Variants in NCOR1 observed in about 807,000 individuals in gnomAD.
The protein encoded by NCOR1 is nuclear receptor corepressor 1.
NCOR1 carries 63 observed loss-of-function variants against 288.1 expected under a neutral mutation model. That is an observed-to-expected ratio of 0.22 (90% CI 0.18 to 0.27). The LOEUF is 0.27. NCOR1 is among the 10% of genes least tolerant of loss of function. The pLI is 1.00. For missense variants in NCOR1, 2,397 were observed against 3,019.2 expected (o/e 0.79, Z 4.83); for synonymous variants, 1,007 against 1,065.9 (o/e 0.94, Z 1.08).
At chr17:16,133,338 G>A (rs149351418) in intron 14 of NCOR1, among the ~76,000 whole-genome samples, 196 of 152,300 alleles carry the variant, frequency 1.3e-3, no homozygotes, top group Middle Eastern at 3.4e-3. Flanking sequence ...TAGAGGATAG[G>A]GAGAGTAATC....
intron 9 of NCOR1, among the ~76,000 whole-genome samples, chr17:16,147,358 G>A (rs1270398986): frequency 5.9e-5 from 9 of 152,086 alleles, no homozygotes; most frequent in East Asian, 1.9e-4. Flanking sequence ...GCAGTGAGCC[G>A]AGATCGCACC....
At chr17:16,209,669 C>G (rs922200185) in intron 1 of NCOR1, among the ~76,000 whole-genome samples, 33 of 150,704 alleles carry the variant, frequency 2.2e-4, no homozygotes, top group Admixed American at 7.3e-4. Flanking sequence ...AGAATACACT[C>G]GGCCAAGTGC....
At chr17:16,035,453 C>T (rs1416134837) in intron 44 of NCOR1, among the ~76,000 whole-genome samples, 1 of 151,924 alleles carries the variant, frequency 6.6e-6, no homozygotes, top group Non-Finnish European at 1.5e-5. Flanking sequence ...GAAGCAACTC[C>T]TCATCCATTT....
chr17:16,156,685 C>T (rs767601918), intron 6 of NCOR1, among the ~76,000 whole-genome samples: 27 of 151,772 alleles, frequency 1.8e-4, no homozygotes, highest in Non-Finnish European at 3.5e-4. Context: ...AAACAACAAA[C>T]CAAATATGGA....
At chr17:16,163,701 T>C (rs1267475004) in intron 5 of NCOR1, among the ~76,000 whole-genome samples, 1 of 152,148 alleles carries the variant, frequency 6.6e-6, no homozygotes, top group Non-Finnish European at 1.5e-5. Flanking sequence ...AACGAGTACA[T>C]GAATCTCATC....
At chr17:16,038,011 G>T (rs1234656934) in intron 44 of NCOR1, among the ~76,000 whole-genome samples, 1 of 151,712 alleles carries the variant, frequency 6.6e-6, no homozygotes, top group Admixed American at 6.6e-5. Flanking sequence ...CACACTTAAA[G>T]CCAATAAAAA....
intron 4 of NCOR1, among the ~76,000 whole-genome samples, chr17:16,167,455 T>TA (rs202154804): frequency 2.0e-5 from 3 of 150,482 alleles, no homozygotes; most frequent in Admixed American, 6.6e-5. Context: ...AGCCTCAAGT[T>TA]AAAAAAAAAT....
chr17:16,060,230 C>CA (rs1237299294), intron 37 of NCOR1, among the ~76,000 whole-genome samples: 1 of 152,208 alleles, frequency 6.6e-6, no homozygotes, highest in Non-Finnish European at 1.5e-5. Flanking sequence ...GATAACCACA[C>CA]ACAGAGACAT....
intron 41 of NCOR1, among the ~76,000 whole-genome samples, chr17:16,048,264 G>C (rs972560316): frequency 6.6e-6 from 1 of 152,096 alleles, no homozygotes; most frequent in East Asian, 1.9e-4. Flanking sequence ...GTGTAGGGAT[G>C]ATGCAGAGGG....
intron 18 of NCOR1, among the ~76,000 whole-genome samples, chr17:16,113,877 G>T (rs550769477): frequency 6.6e-6 from 1 of 151,802 alleles, no homozygotes; most frequent in South Asian, 2.1e-4. Flanking sequence ...TGGGCAACAG[G>T]GTGAGACTCC....
At chr17:16,111,805 C>T (rs1212450455) in intron 18 of NCOR1, among the ~76,000 whole-genome samples, 1 of 152,094 alleles carries the variant, frequency 6.6e-6, no homozygotes, top group Non-Finnish European at 1.5e-5. Flanking sequence ...TATATGCATA[C>T]ACACATCCTG....
At chr17:16,035,757 G>T (rs2056226360) in intron 44 of NCOR1, among the ~76,000 whole-genome samples, 1 of 151,948 alleles carries the variant, frequency 6.6e-6, no homozygotes, top group African/African-American at 2.4e-5. Context: ...GCCCAGGTTG[G>T]TCTCAAACTC....
intron 10 of NCOR1, 52 bp downstream of exon 10, chr17:16,146,324 C>A: frequency 2.7e-6 from 4 of 1,504,144 alleles, no homozygotes; most frequent in Admixed American, 4.5e-5. Context: ...AAAAAAGAAA[C>A]AATAAATATT....
chr17:16,088,366 T>C (rs2064588456), intron 22 of NCOR1, among the ~76,000 whole-genome samples: 1 of 152,154 alleles, frequency 6.6e-6, no homozygotes, highest in Admixed American at 6.5e-5. Context: ...GAAAACCATC[T>C]CTTTTATATA....
intron 4 of NCOR1, among the ~76,000 whole-genome samples, chr17:16,169,364 T>A (rs769004757): frequency 1.4e-4 from 21 of 152,228 alleles, no homozygotes; most frequent in Non-Finnish European, 1.5e-4. Flanking sequence ...AAAATGTTAA[T>A]AACTTTTAAA....
chr17:16,161,777 C>T (rs1215201263), intron 5 of NCOR1, among the ~76,000 whole-genome samples: 1 of 152,072 alleles, frequency 6.6e-6, no homozygotes, highest in Non-Finnish European at 1.5e-5. Context: ...TCTTTTATAT[C>T]TCTCAATAAA....
At chr17:16,132,457 A>T (rs1378755378) in intron 14 of NCOR1, among the ~76,000 whole-genome samples, 1 of 152,190 alleles carries the variant, frequency 6.6e-6, no homozygotes, top group Non-Finnish European at 1.5e-5. Context: ...AATAACATTC[A>T]ACAGTGGTTT....
In NCOR1 at chr17:16,075,925, C is replaced by T. The variant is rs77267303; in HGVS notation, c.3502-223G>A. 8.9e-3 allele frequency among the ~76,000 whole-genome samples: 1,361 copies of T among 152,312 alleles called. 23 individuals are homozygous for T. The highest frequency in any genetic ancestry group is 0.031 in the African/African-American group (1,296 of 41,556). ...CCACATAACACTTAAAATTATGACA[C>T]GTACATTAGGTGAATCAACTTTGCT... On this transcript the variant is annotated intron_variant, in intron 26 of 45. Transcript: ENST00000268712.
intron 10 of NCOR1, 22 bp downstream of exon 10, chr17:16,146,354 C>G: frequency 6.4e-7 from 1 of 1,561,864 alleles, no homozygotes; most frequent in Non-Finnish European, 8.6e-7. Context: ...ATATCACAGT[C>G]ATTAAACATC....
Sources: gnomAD v4.1 joint callset for allele counts (sites outside exome capture counted in the v4.1 genomes callset) on GRCh38, gnomAD v4.1.1 for gene constraint, MANE v1.5 for transcripts, NCBI Gene and HGNC (gene_info 2026-07-23, HGNC 2026-07-21) for gene names.